Variants in MMRN1 observed in about 807,000 individuals in gnomAD.
MMRN1 encodes multimerin-1.
MMRN1 carries 94 observed loss-of-function variants against 100.7 expected under a neutral mutation model. The ratio of observed to expected loss-of-function variants is 0.93; its 90% confidence interval spans 0.79 to 1.11. MMRN1 has a LOEUF of 1.11. Ranked by LOEUF, MMRN1 falls within the 50% of genes least tolerant of loss-of-function variation. The probability of loss-of-function intolerance (pLI) is 0.00; values close to 1 mark genes in which losing one functional copy is unlikely to be tolerated. For synonymous variants in MMRN1, 575 were observed against 505.0 expected, an observed-to-expected ratio of 1.14 and a Z score of -1.86; for missense variants, 1,606 against 1,439.1, an observed-to-expected ratio of 1.12 and a Z score of -1.88.
chr4:89,907,444 A>G (rs767688450), intron 1 of MMRN1, among the ~76,000 whole-genome samples: 4 of 151,456 alleles, frequency 2.6e-5, no homozygotes, highest in Non-Finnish European at 5.9e-5. Context: ...GAATTTGTGT[A>G]TGATGTACTT....
At chr4:89,942,209 T>G (rs796236253) in intron 6 of MMRN1, among the ~76,000 whole-genome samples, 14 of 152,308 alleles carry the variant, frequency 9.2e-5, no homozygotes, top group African/African-American at 3.4e-4. Flanking sequence ...TCACAGGAGC[T>G]ACTTCCCAAC....
chr4:89,912,731 C>T (rs1721794550), intron 3 of MMRN1, among the ~76,000 whole-genome samples: 1 of 150,948 alleles, frequency 6.6e-6, no homozygotes, highest in Admixed American at 6.6e-5. Flanking sequence ...CAAGAAAGGC[C>T]ATTAGCAGTG....
At chr4:89,933,488 G>A (rs1477250404) in intron 5 of MMRN1, among the ~76,000 whole-genome samples, 1 of 152,044 alleles carries the variant, frequency 6.6e-6, no homozygotes, top group East Asian at 1.9e-4. Flanking sequence ...CCATTTTTAT[G>A]CAGCTATGAA....
upstream of MMRN1, among the ~76,000 whole-genome samples, chr4:89,891,129 G>A (rs532057581): frequency 5.9e-5 from 9 of 151,902 alleles, no homozygotes; most frequent in South Asian, 1.9e-3. Flanking sequence ...TATTTATTTT[G>A]AGAATAGATA....
At chr4:89,941,720 C>G (rs1722830035) in intron 6 of MMRN1, among the ~76,000 whole-genome samples, 1 of 152,080 alleles carries the variant, frequency 6.6e-6, no homozygotes, top group African/African-American at 2.4e-5. Context: ...TCCAAGTAGG[C>G]CTTTCTAAAG....
chr4:89,881,327 A>T (rs1187091057), intron 1 of MMRN1, among the ~76,000 whole-genome samples: 1 of 152,114 alleles, frequency 6.6e-6, no homozygotes, highest in African/African-American at 2.4e-5. Flanking sequence ...ACATTTCTTA[A>T]ATGTAGGACC....
At chr4:89,915,326 A>C (rs1366654092) in intron 3 of MMRN1, among the ~76,000 whole-genome samples, 2 of 151,582 alleles carry the variant, frequency 1.3e-5, no homozygotes, top group East Asian at 3.9e-4. Flanking sequence ...TCTGTACCAT[A>C]AGTGGTTGTT....
intron 6 of MMRN1, among the ~76,000 whole-genome samples, chr4:89,950,469 AG>A (rs1723130676): frequency 6.6e-6 from 1 of 152,188 alleles, no homozygotes; most frequent in Non-Finnish European, 1.5e-5. Context: ...TTGCATGAAA[AG>A]GCCCATTTTC....
chr4:89,950,803 C>CT (rs1352558719), intron 6 of MMRN1, among the ~76,000 whole-genome samples: 2 of 152,114 alleles, frequency 1.3e-5, no homozygotes. Context: ...AAGCCATCCT[C>CT]TTGCCTTGGC....
At chr4:89,896,531 A>G (rs1397857655) in intron 1 of MMRN1, among the ~76,000 whole-genome samples, 1 of 152,300 alleles carries the variant, frequency 6.6e-6, no homozygotes, top group Middle Eastern at 3.4e-3. Context: ...TTGGAATACT[A>G]GAAGTTTAGT....
Position 89,935,921 on chromosome 4 carries a change from C to T in MMRN1, c.2241C>T (p.Ala747=), listed in dbSNP as rs1405805414. 1 of 1,609,388 alleles carries T rather than the reference C, an allele frequency of 6.2e-7. No homozygotes were observed. The highest frequency in any genetic ancestry group is 1.1e-5 in the South Asian group (1 of 90,116). ...NAIDFIQDNY[A]LKETLSTIKD... ...TTGATTTCATTCAAGATAACTATGC[C>T]CTAAAAGAGACTTTAAGTACTATTA... Residue 747 remains alanine (A), a synonymous_variant, in exon 6 of 8, where the codon GCC becomes GCT. Transcript: ENST00000264790.
intron 6 of MMRN1, among the ~76,000 whole-genome samples, chr4:89,941,875 T>C (rs531071671): frequency 5.9e-5 from 9 of 152,248 alleles, no homozygotes; most frequent in African/African-American, 1.9e-4. Context: ...TTGAAGGAAA[T>C]AGTAAATGAA....
At position 89,903,983 on chromosome 4, in the gene MMRN1, C is replaced by A. The variant is rs187904051; in HGVS notation, c.624-5293C>A. On this transcript the variant is annotated intron_variant, in intron 1 of 7. Transcript: ENST00000264790. ...GTGCAGTTAAAAGGAGAATAAAAAT[C>A]TTGTCCAGCAGGCAGAACTTCATCA... Among the ~76,000 whole-genome samples, 505 of 148,548 alleles carry A rather than the reference C, an allele frequency of 3.4e-3. 1 individual carries two copies. Among genetic ancestry groups the A allele is most frequent in the African/African-American group, 0.011 (433 of 40,540 alleles).
intron 1 of MMRN1, among the ~76,000 whole-genome samples, chr4:89,903,562 A>ATT (rs1199937570): frequency 6.6e-6 from 1 of 151,840 alleles, no homozygotes; most frequent in Non-Finnish European, 1.5e-5. Context: ...TATTATATAT[A>ATT]TCCTCTTCAA....
chr4:89,938,788 A>G (rs1722733909), intron 6 of MMRN1, among the ~76,000 whole-genome samples: 1 of 151,960 alleles, frequency 6.6e-6, no homozygotes, highest in Non-Finnish European at 1.5e-5. Flanking sequence ...TACTGACTGT[A>G]GAACTTTTTA....
At chr4:89,916,653 T>C (rs1433555417) in intron 3 of MMRN1, among the ~76,000 whole-genome samples, 1 of 151,682 alleles carries the variant, frequency 6.6e-6, no homozygotes, top group Non-Finnish European at 1.5e-5. Flanking sequence ...CTATGTATGT[T>C]TATTTTTTAT....
intron 1 of MMRN1, among the ~76,000 whole-genome samples, chr4:89,896,339 C>A (rs572811586): frequency 1.6e-4 from 24 of 151,952 alleles, no homozygotes; most frequent in Middle Eastern, 3.4e-3. Flanking sequence ...ACTTATTTTT[C>A]AAATTAATTT....
intron 1 of MMRN1, among the ~76,000 whole-genome samples, chr4:89,887,130 A>G (rs1720956042): frequency 6.6e-6 from 1 of 152,094 alleles, no homozygotes; most frequent in Non-Finnish European, 1.5e-5. Context: ...TTTGTCAAAA[A>G]TTATTGATGA....
intron 1 of MMRN1, among the ~76,000 whole-genome samples, chr4:89,896,370 T>C (rs1420964904): frequency 2.0e-5 from 3 of 152,074 alleles, no homozygotes; most frequent in African/African-American, 7.2e-5. Flanking sequence ...TTAGAGCAAT[T>C]TGAGTGGTTG....
Sources: allele counts gnomAD v4.1 joint callset (sites outside exome capture counted in the v4.1 genomes callset), GRCh38; gene constraint gnomAD v4.1.1; transcripts MANE v1.5; gene names NCBI Gene and HGNC (gene_info 2026-07-23, HGNC 2026-07-21).